The following ATG10 variants were observed in gnomAD, a reference collection of about 807,000 sequenced individuals.
ATG10 encodes the protein ubiquitin-like-conjugating enzyme ATG10.
In ATG10, 30 loss-of-function variants were observed where a neutral mutation model predicts 32.1. The ratio of observed to expected loss-of-function variants is 0.94; its 90% CI spans 0.70 to 1.27. ATG10 has a LOEUF of 1.27. ATG10 is among the 50% of genes most tolerant of loss of function. ATG10 has a pLI of 0.00. For missense variants in ATG10, 233 were observed against 262.3 expected, an observed-to-expected ratio of 0.89 and a Z score of 0.77; for synonymous variants, 87 against 91.5, an observed-to-expected ratio of 0.95 and a Z score of 0.28.
At chr5:82,199,672 A>G (rs534967210) in intron 5 of ATG10, among the ~76,000 whole-genome samples, 135 of 152,324 alleles carry the variant, frequency 8.9e-4, no homozygotes, top group Non-Finnish European at 1.6e-3. Flanking sequence ...TAAAAAATTT[A>G]CATACAGTAA....
chr5:82,115,560 C>T (rs1289300435), intron 3 of ATG10, among the ~76,000 whole-genome samples: 1 of 152,074 alleles, frequency 6.6e-6, no homozygotes, highest in Non-Finnish European at 1.5e-5. Context: ...GATTCATTTA[C>T]TCAGCCATTA....
intron 3 of ATG10, among the ~76,000 whole-genome samples, chr5:82,094,786 T>C (rs1387738317): frequency 6.6e-6 from 1 of 152,152 alleles, no homozygotes; most frequent in African/African-American, 2.4e-5. Context: ...AATATATGCA[T>C]GCATATACAT....
intron 2 of ATG10, among the ~76,000 whole-genome samples, chr5:82,041,629 A>T (rs1471455729): frequency 6.6e-6 from 1 of 152,196 alleles, no homozygotes; most frequent in African/African-American, 2.4e-5. Context: ...TATTTTTATG[A>T]ATACTTATTA....
chr5:81,972,757 CTTTT>C (rs1030612713), intron 1 of ATG10, among the ~76,000 whole-genome samples: 7 of 149,138 alleles, frequency 4.7e-5, no homozygotes, highest in Non-Finnish European at 1.0e-4. Context: ...ACAGGTCTTT[CTTTT>C]TTTTTTAAAC....
chr5:82,253,252 A>G (rs1410990821), intron 6 of ATG10, 62 bp from the exon 7 acceptor site: 41 of 1,111,868 alleles, frequency 3.7e-5, no homozygotes, highest in Non-Finnish European at 5.1e-5. Context: ...CTGATGTTCT[A>G]CCATTCATCC....
intron 3 of ATG10, among the ~76,000 whole-genome samples, chr5:82,106,316 T>G (rs116072271): frequency 7.0e-4 from 106 of 152,298 alleles, no homozygotes; most frequent in African/African-American, 2.5e-3. Context: ...TAACTTAAAG[T>G]GGACCTTTCT....
chr5:82,041,232 T>A (rs1418864277), intron 2 of ATG10, among the ~76,000 whole-genome samples: 1 of 152,252 alleles, frequency 6.6e-6, no homozygotes, highest in Non-Finnish European at 1.5e-5. Flanking sequence ...TACTATAGTT[T>A]AAATATGTTT....
intron 5 of ATG10, among the ~76,000 whole-genome samples, chr5:82,228,309 C>T (rs964619881): frequency 1.3e-5 from 2 of 151,572 alleles, no homozygotes; most frequent in African/African-American, 4.8e-5. Context: ...TATATATTTG[C>T]TTATCAAATT....
intron 3 of ATG10, among the ~76,000 whole-genome samples, chr5:82,105,853 A>T (rs757458403): frequency 2.6e-5 from 4 of 152,178 alleles, no homozygotes; most frequent in Non-Finnish European, 5.9e-5. Context: ...TCTTGTTCAC[A>T]TGGAGATTTC....
intron 5 of ATG10, among the ~76,000 whole-genome samples, chr5:82,195,872 T>C (rs1015865053): frequency 6.6e-6 from 1 of 152,214 alleles, no homozygotes; most frequent in African/African-American, 2.4e-5. Context: ...TATGAATATG[T>C]TTTCAGTTTT....
chr5:82,127,421 G>T (rs1056205988), intron 3 of ATG10, among the ~76,000 whole-genome samples: 1 of 152,078 alleles, frequency 6.6e-6, no homozygotes, highest in Non-Finnish European at 1.5e-5. Context: ...TGGGCATTTA[G>T]TGCTGTAAAT....
chr5:82,201,207 A>G (rs1260049389), intron 5 of ATG10, among the ~76,000 whole-genome samples: 2 of 152,028 alleles, frequency 1.3e-5, no homozygotes, highest in African/African-American at 2.4e-5. Context: ...TTTTAAATCT[A>G]CTGCACTTTT....
rs1391150905 is a variant in ATG10, at chr5:82,164,301, C to T, written c.217-98C>T. On this transcript the variant is annotated intron_variant, in intron 3 of 7. Coordinates refer to ENST00000282185, the MANE Select transcript of ATG10 (RefSeq NM_031482.5). ...GCCTCATAGCCTTATATTTATTTAA[C>T]TGTTATTTTGTGAGAAGAAAATCTC... The T allele has an allele frequency of 3.3e-6, 4 of 1,209,682 alleles. No individual in the cohort carries two copies. In the African/African-American group the frequency reaches 6.1e-5, roughly 19 times the overall value. The allele number at this position is 1,209,682 out of a possible 1,614,324, so 74.9% of individuals were successfully genotyped here. A position where few individuals can be genotyped will look rare whatever the true frequency, so the allele number is the denominator to read the frequency against.
intron 5 of ATG10, among the ~76,000 whole-genome samples, chr5:82,192,734 A>G (rs1203602753): frequency 6.6e-6 from 1 of 152,184 alleles, no homozygotes; most frequent in East Asian, 1.9e-4. Context: ...AATATCATGG[A>G]AAGGAAAAGC....
chr5:82,104,345 G>A (rs1029266318), intron 3 of ATG10, among the ~76,000 whole-genome samples: 7 of 151,932 alleles, frequency 4.6e-5, no homozygotes, highest in Non-Finnish European at 1.0e-4. Context: ...CTTTCCATAG[G>A]GTGAATGAAG....
chr5:82,097,796 G>C (rs957356670), intron 3 of ATG10, among the ~76,000 whole-genome samples: 1 of 152,110 alleles, frequency 6.6e-6, no homozygotes, highest in Non-Finnish European at 1.5e-5. Flanking sequence ...GTCATTTACC[G>C]TACCCCAAAA....
chr5:82,080,156 A>G (rs1764423886), intron 3 of ATG10, among the ~76,000 whole-genome samples: 1 of 152,148 alleles, frequency 6.6e-6, no homozygotes, highest in African/African-American at 2.4e-5. Context: ...TGGCTGCATA[A>G]ATGTCTTCTT....
chr5:82,110,379 T>A (rs946048235), intron 3 of ATG10, among the ~76,000 whole-genome samples: 12 of 152,268 alleles, frequency 7.9e-5, no homozygotes, highest in African/African-American at 2.2e-4. Context: ...TGCCACACTG[T>A]CTTCCACAAT....
At chr5:82,051,088 G>A (rs1181575055) in intron 2 of ATG10, among the ~76,000 whole-genome samples, 1 of 152,050 alleles carries the variant, frequency 6.6e-6, no homozygotes, top group African/African-American at 2.4e-5. Context: ...AACTGTGCAC[G>A]GGCAGAAAAC....
Sources: allele counts gnomAD v4.1 joint callset (sites outside exome capture counted in the v4.1 genomes callset), GRCh38; gene constraint gnomAD v4.1.1; transcripts MANE v1.5; gene names NCBI Gene and HGNC (gene_info 2026-07-23, HGNC 2026-07-21).